Variants in DIP2C observed in about 807,000 individuals in gnomAD.
The protein encoded by DIP2C is DIP2 acetate--CoA ligase C (putative), also known as disco-interacting protein 2 homolog C.
DIP2C carries 33 observed loss-of-function variants against 192.4 expected under a neutral mutation model. The observed-to-expected ratio is 0.17, with a 90% CI of 0.13 to 0.23. The LOEUF (loss-of-function observed/expected upper bound fraction) is 0.23, where lower values mean the gene tolerates loss of function less well. DIP2C is among the 10% of genes least tolerant of loss of function. The pLI is 1.00. For synonymous variants in DIP2C, 979 were observed against 864.1 expected (o/e 1.13, Z -2.33); for missense variants, 1,537 against 2,110.1 (o/e 0.73, Z 5.32).
intron 1 of DIP2C, among the ~76,000 whole-genome samples, chr10:592,168 T>TGCTTCC (rs1442355653): frequency 2.6e-3 from 391 of 152,282 alleles, no homozygotes; most frequent in Middle Eastern, 0.01. Context: ...AGGAAGCATA[T>TGCTTCC]TAATATAAAG....
At chr10:686,589 T>C (rs938970922) in intron 1 of DIP2C, among the ~76,000 whole-genome samples, 1 of 152,232 alleles carries the variant, frequency 6.6e-6, no homozygotes, top group African/African-American at 2.4e-5. Context: ...TATCCCCACA[T>C]GGATTCGAGG....
chr10:319,445 T>C (rs901083021), intron 31 of DIP2C, among the ~76,000 whole-genome samples: 7 of 152,218 alleles, frequency 4.6e-5, no homozygotes, highest in Non-Finnish European at 1.0e-4. Context: ...CCGCGGTCTC[T>C]TTTGGAAAAC....
chr10:617,657 CCCCCCA>C (rs1180696383), intron 1 of DIP2C, among the ~76,000 whole-genome samples: 4 of 150,668 alleles, frequency 2.7e-5, no homozygotes, highest in African/African-American at 7.4e-5. Context: ...TGGATACCAC[CCCCCCA>C]CCCCCACCCC....
chr10:336,361 G>T lies in DIP2C; in HGVS notation c.3584+4838C>A, dbSNP rs1027394301. Among the ~76,000 whole-genome samples the T allele has an allele frequency of 1.3e-4, 20 of 152,208 alleles. 1 individual carries two copies. The highest frequency in any genetic ancestry group is 1.0e-4 in the Non-Finnish European group (7 of 68,042). On this transcript the variant is annotated intron_variant, in intron 29 of 36. Transcript: ENST00000280886. ...GAAGCACACCACGTTACTTGTGTTG[G>T]TGGTGGTAACTGGTCTAAACAAACC... is the stretch of plus-strand genomic sequence containing the variant.
At chr10:304,213 G>C (rs1259317730) in intron 32 of DIP2C, among the ~76,000 whole-genome samples, 1 of 152,106 alleles carries the variant, frequency 6.6e-6, no homozygotes, top group African/African-American at 2.4e-5. Context: ...TGGCAGCAGA[G>C]GTTTATACTA....
chr10:547,250 GT>G (rs1435420271), intron 1 of DIP2C, among the ~76,000 whole-genome samples: 1 of 152,170 alleles, frequency 6.6e-6, no homozygotes, highest in East Asian at 1.9e-4. Context: ...CACAGCCTTG[GT>G]CCTCTGATCC....
At chr10:351,235 C>A (rs974912172) in intron 24 of DIP2C, among the ~76,000 whole-genome samples, 1 of 152,202 alleles carries the variant, frequency 6.6e-6, no homozygotes, top group Admixed American at 6.5e-5. Flanking sequence ...CTGGGAAAAG[C>A]ACGTCAGCCT....
intron 1 of DIP2C, among the ~76,000 whole-genome samples, chr10:512,316 TG>T (rs1055071133): frequency 6.6e-6 from 1 of 152,060 alleles, no homozygotes; most frequent in African/African-American, 2.4e-5. Flanking sequence ...CCCAGCAGTT[TG>T]GGAGGCTGAG....
At chr10:585,148 C>G (rs1588525265) in intron 1 of DIP2C, among the ~76,000 whole-genome samples, 2 of 152,206 alleles carry the variant, frequency 1.3e-5, no homozygotes, top group Admixed American at 6.5e-5. Flanking sequence ...ACTTTTCCCT[C>G]AACACAAAAC....
chr10:502,448 C>T (rs577087578), intron 1 of DIP2C, among the ~76,000 whole-genome samples: 35 of 151,890 alleles, frequency 2.3e-4, no homozygotes, highest in Non-Finnish European at 4.0e-4. Context: ...GGCTCATATT[C>T]GAAAAAAGTA....
intron 1 of DIP2C, among the ~76,000 whole-genome samples, chr10:526,873 G>C (rs773306286): frequency 5.4e-4 from 82 of 152,348 alleles, no homozygotes; most frequent in Non-Finnish European, 7.6e-4. Context: ...GTCCCCGGCA[G>C]AGTCCCTGGT....
chr10:441,204 C>A, intron 3 of DIP2C: 1 of 588,774 alleles, frequency 1.7e-6, no homozygotes, highest in Non-Finnish European at 2.8e-6. Context: ...TTTATTACCA[C>A]AGAATCCATA....
At chr10:593,944 A>G (rs1028910652) in intron 1 of DIP2C, among the ~76,000 whole-genome samples, 1 of 152,218 alleles carries the variant, frequency 6.6e-6, no homozygotes, top group Non-Finnish European at 1.5e-5. Flanking sequence ...AGCTCTGTGT[A>G]GGAGTCCAGC....
At chr10:463,773 T>A (rs1969982230) in intron 3 of DIP2C, among the ~76,000 whole-genome samples, 1 of 152,150 alleles carries the variant, frequency 6.6e-6, no homozygotes, top group Admixed American at 6.5e-5. Flanking sequence ...CAAAACAGCA[T>A]GGTACTGGTA....
chr10:299,311 C>T (rs1955908952), intron 32 of DIP2C, among the ~76,000 whole-genome samples: 1 of 152,182 alleles, frequency 6.6e-6, no homozygotes, highest in Admixed American at 6.5e-5. Flanking sequence ...CAATTCTTCC[C>T]ATTACTCCAG....
chr10:577,012 C>T (rs1025371397), intron 1 of DIP2C, among the ~76,000 whole-genome samples: 1 of 152,178 alleles, frequency 6.6e-6, no homozygotes, highest in East Asian at 1.9e-4. Context: ...GGTAGTTGAT[C>T]CAGTTTTTTC....
Position 446,627 on chromosome 10 carries a change from G to A in DIP2C, c.269-5631C>T, listed in dbSNP as rs150138209. 2.2e-3 allele frequency among the ~76,000 whole-genome samples: 333 copies of A among 152,318 alleles called. 2 individuals carry two copies. The highest frequency in any genetic ancestry group is 7.3e-3 in the African/African-American group (305 of 41,562). ...TGAGTGCCATGCAGACCTGAACCACGGAGAATGGCCATGATCCCCTGACAC... is the reference window on the plus strand; with the variant it reads ...TGAGTGCCATGCAGACCTGAACCACAGAGAATGGCCATGATCCCCTGACAC... On this transcript the variant is annotated intron_variant, in intron 3 of 36. Transcript: ENST00000280886.
chr10:392,563 GC>G (rs1278977862), intron 10 of DIP2C, among the ~76,000 whole-genome samples: 12 of 152,244 alleles, frequency 7.9e-5, no homozygotes, highest in Admixed American at 2.0e-4. Context: ...CGTGTAGAGT[GC>G]CCCCCGCGGC....
chr10:496,220 A>G (rs1465691751), intron 1 of DIP2C, among the ~76,000 whole-genome samples: 1 of 142,484 alleles, frequency 7.0e-6, no homozygotes. Flanking sequence ...TTAATACCCC[A>G]AACAACGTGA....
Sources: allele counts gnomAD v4.1 joint callset (sites outside exome capture counted in the v4.1 genomes callset), GRCh38; gene constraint gnomAD v4.1.1; transcripts MANE v1.5; gene names NCBI Gene and HGNC (gene_info 2026-07-23, HGNC 2026-07-21).